The following HDAC9 variants were observed in gnomAD, a reference collection of about 807,000 sequenced individuals.
The protein encoded by HDAC9 is histone deacetylase 9, also known as MEF-2 interacting transcription repressor (MITR) protein.
Under a neutral mutation model 139.4 loss-of-function variants are expected in HDAC9, and 41 were observed. The observed-to-expected ratio is 0.29, with a 90% CI of 0.23 to 0.38. The LOEUF is 0.38. Among genes scored for constraint, HDAC9 ranks in the 10% least tolerant of loss-of-function variants. The pLI is 1.00. For synonymous variants in HDAC9, 517 were observed against 476.2 expected (o/e 1.09, Z -1.12); for missense variants, 1,147 against 1,297.0 (o/e 0.88, Z 1.78).
chr7:18,427,923 C>G (rs1306427612), intron 1 of HDAC9, among the ~76,000 whole-genome samples: 1 of 152,028 alleles, frequency 6.6e-6, no homozygotes, highest in Non-Finnish European at 1.5e-5. Context: ...AATCACTATT[C>G]TGTTCTTTGC....
At chr7:18,719,753 T>C (rs1384251143) in intron 12 of HDAC9, among the ~76,000 whole-genome samples, 1 of 152,188 alleles carries the variant, frequency 6.6e-6, no homozygotes, top group Non-Finnish European at 1.5e-5. Context: ...TTACATTTGG[T>C]TCCATGATCC....
At chr7:18,622,487 T>G (rs911563907) in intron 6 of HDAC9, among the ~76,000 whole-genome samples, 1 of 151,944 alleles carries the variant, frequency 6.6e-6, no homozygotes, top group African/African-American at 2.4e-5. Flanking sequence ...CACACCCGGC[T>G]AATTTTTTGT....
At chr7:18,722,484 A>G (rs558481197) in intron 12 of HDAC9, among the ~76,000 whole-genome samples, 15 of 152,156 alleles carry the variant, frequency 9.9e-5, no homozygotes, top group African/African-American at 3.6e-4. Context: ...ACTTACTTAG[A>G]TGTATAAACA....
chr7:18,869,016 C>T (rs746635755), intron 21 of HDAC9, among the ~76,000 whole-genome samples: 5 of 152,064 alleles, frequency 3.3e-5, no homozygotes, highest in Non-Finnish European at 7.4e-5. Flanking sequence ...CTTTGAATGT[C>T]CTTTATAATA....
intron 21 of HDAC9, among the ~76,000 whole-genome samples, chr7:18,855,310 G>C (rs1797596769): frequency 1.3e-5 from 2 of 152,146 alleles, no homozygotes; most frequent in African/African-American, 4.8e-5. Flanking sequence ...AAGGGAGTTG[G>C]AAAGATTGAC....
intron 12 of HDAC9, among the ~76,000 whole-genome samples, chr7:18,689,139 A>G (rs1782489954): frequency 7.0e-6 from 1 of 142,886 alleles, no homozygotes; most frequent in African/African-American, 2.8e-5. Context: ...TAAAACATTA[A>G]AATGGGTTGC....
chr7:18,297,753 A>C (rs1321490108), intron 1 of HDAC9, among the ~76,000 whole-genome samples: 2 of 152,178 alleles, frequency 1.3e-5, no homozygotes, highest in Non-Finnish European at 2.9e-5. Flanking sequence ...TGCTAGGTAA[A>C]AATGTGACAT....
chr7:18,331,703 A>G (rs1173271707), intron 1 of HDAC9, among the ~76,000 whole-genome samples: 1 of 151,706 alleles, frequency 6.6e-6, no homozygotes, highest in Non-Finnish European at 1.5e-5. Context: ...GATTATCTTA[A>G]GTATACTACC....
intron 1 of HDAC9, among the ~76,000 whole-genome samples, chr7:18,411,817 C>CTT (rs71014326): frequency 0.021 from 1,868 of 88,888 alleles, 159 homozygotes; most frequent in African/African-American, 0.035. Context: ...TTTCAACTTG[C>CTT]TTTTTTTTTT....
rs191604728 is a variant in HDAC9 at position 18,615,788 on chromosome 7, C to T, written c.665-13562C>T. Among the ~76,000 whole-genome samples the T allele has an allele frequency of 6.2e-4, 94 of 152,260 alleles. 1 individual carries two copies. The highest frequency in any genetic ancestry group is 1.3e-3 in the Admixed American group (20 of 15,282). ...CAGAATATTCAGACTTCCAAAATAG[C>T]ACCAATCTTGGAATTCATTCAACTA... On this transcript the variant is annotated intron_variant, in intron 6 of 25. Transcript: ENST00000686413.
intron 1 of HDAC9, among the ~76,000 whole-genome samples, chr7:18,147,732 TGTG>T (rs1351885637): frequency 6.6e-6 from 1 of 152,078 alleles, no homozygotes; most frequent in Non-Finnish European, 1.5e-5. Flanking sequence ...CTGAGTTGAA[TGTG>T]GTGTTTACCA....
chr7:18,957,333 G>A (rs1226676706), intron 24 of HDAC9, among the ~76,000 whole-genome samples: 1 of 152,126 alleles, frequency 6.6e-6, no homozygotes, highest in East Asian at 1.9e-4. Flanking sequence ...CAATAAAATC[G>A]AGTGGGTATT....
At chr7:18,277,427 G>C (rs1025168709) in intron 2 of HDAC9, among the ~76,000 whole-genome samples, 1 of 152,150 alleles carries the variant, frequency 6.6e-6, no homozygotes, top group South Asian at 2.1e-4. Flanking sequence ...GGAAGGTTTT[G>C]GCCTGTTGAA....
intron 1 of HDAC9, among the ~76,000 whole-genome samples, chr7:18,426,879 C>G (rs920069410): frequency 1.3e-5 from 2 of 152,198 alleles, no homozygotes; most frequent in African/African-American, 2.4e-5. Context: ...GGAGACATTT[C>G]ACATAACACT....
At chr7:18,529,333 G>T (rs562627266) in intron 2 of HDAC9, among the ~76,000 whole-genome samples, 1 of 152,250 alleles carries the variant, frequency 6.6e-6, no homozygotes, top group South Asian at 2.1e-4. Flanking sequence ...AAAAAGATGG[G>T]CATAAAAGCA....
chr7:18,857,948 C>T (rs1402297719), intron 21 of HDAC9, among the ~76,000 whole-genome samples: 4 of 152,064 alleles, frequency 2.6e-5, no homozygotes, highest in East Asian at 1.9e-4. Flanking sequence ...TATGAGGGTA[C>T]AGTACTGATG....
chr7:18,306,542 G>A (rs1184802533), intron 1 of HDAC9, among the ~76,000 whole-genome samples: 1 of 152,150 alleles, frequency 6.6e-6, no homozygotes, highest in Non-Finnish European at 1.5e-5. Context: ...GAGTAATATA[G>A]GGGTAGTTTG....
chr7:18,292,766 T>C (rs1476224087), intron 1 of HDAC9, among the ~76,000 whole-genome samples: 1 of 152,100 alleles, frequency 6.6e-6, no homozygotes, highest in Non-Finnish European at 1.5e-5. Flanking sequence ...ATGATAAACA[T>C]TGATGCGCTG....
At chr7:18,509,205 A>G (rs1393360872) in intron 2 of HDAC9, 2 of 925,200 alleles carry the variant, frequency 2.2e-6, no homozygotes, top group Admixed American at 6.2e-5. Context: ...TTTTCCCTCA[A>G]CATTCCAATT....
Sources: gnomAD v4.1 joint callset for allele counts (sites outside exome capture counted in the v4.1 genomes callset) on GRCh38, gnomAD v4.1.1 for gene constraint, MANE v1.5 for transcripts, NCBI Gene and HGNC (gene_info 2026-07-23, HGNC 2026-07-21) for gene names.